POLE: variants seen among roughly 807,000 people sequenced by gnomAD.
POLE encodes DNA polymerase epsilon catalytic subunit A.
POLE carries 188 observed loss-of-function variants against 279.2 expected under a neutral mutation model. The ratio of observed to expected loss-of-function variants is 0.67; its 90% CI spans 0.60 to 0.76. POLE has a LOEUF of 0.76. POLE is among the 30% of genes least tolerant of loss of function. The probability of loss-of-function intolerance (pLI) is 0.00; values close to 1 mark genes in which losing one functional copy is unlikely to be tolerated. For missense variants in POLE, 2,703 were observed against 3,016.7 expected, an observed-to-expected ratio of 0.90 and a Z score of 2.44; for synonymous variants, 1,214 against 1,172.5, an observed-to-expected ratio of 1.04 and a Z score of -0.72.
chr12:132,685,278 T>G lies in POLE; in HGVS notation c.62+1976A>C, dbSNP rs897674706. On this transcript the variant is annotated intron_variant, in intron 1 of 48. Coordinates refer to ENST00000320574, the MANE Select transcript of POLE (RefSeq NM_006231.4). ...GCTCTCATTCACAGAGAGCTACCAT[T>G]GACTGGTTACTGTATCACACTGTCC... is the stretch of plus-strand genomic sequence containing the variant. Among the ~76,000 whole-genome samples, 31 of 149,600 alleles carry G rather than the reference T, an allele frequency of 2.1e-4. 1 individual carries two copies. Among genetic ancestry groups the G allele is most frequent in the Admixed American group, 6.7e-5 (1 of 15,016 alleles).
rs1327727919 is a variant in POLE, at chr12:132,648,899, A to G, written c.4149+30T>C. The G allele has an allele frequency of 6.3e-6, 10 of 1,591,918 alleles. No homozygotes were observed. The Admixed American group carries it at 1.7e-4, about 27-fold the overall frequency. Reference sequence around the variant, plus strand: ...AAAGCCACCTCAGGCTGCCCAGATGACTGCAGAGGCAGCACCAGCTCCTCC... The same window carrying G: ...AAAGCCACCTCAGGCTGCCCAGATGGCTGCAGAGGCAGCACCAGCTCCTCC... On this transcript the variant is annotated intron_variant, in intron 32 of 48. Coordinates refer to ENST00000320574, the MANE Select transcript of POLE (RefSeq NM_006231.4).
intron 29 of POLE, among the ~76,000 whole-genome samples, chr12:132,652,314 CT>C (rs11449205): frequency 0.093 from 10,350 of 111,106 alleles, 514 homozygotes; most frequent in Admixed American, 0.17. Context: ...TTGTAGTTTC[CT>C]TTTTTTTTTT....
rs33985588 is a variant in POLE, at chr12:132,668,082, C to CA, written c.2173+273dup. On this transcript the variant is annotated intron_variant, in intron 19 of 48. Transcript: ENST00000320574. The surrounding 1 kb of genome is among the most constrained non-coding windows in gnomAD (Gnocchi z 4.0). ...TGGGTGACAGAGTGAGACCTCATTTCAAAAAAAAAAAGAAAGAAATAGGAC... is the reference window on the plus strand; with the variant it reads ...TGGGTGACAGAGTGAGACCTCATTTCAAAAAAAAAAAAGAAAGAAATAGGAC... 5.4e-4 allele frequency among the ~76,000 whole-genome samples: 80 copies of CA among 148,810 alleles called. No homozygotes were observed. The highest frequency in any genetic ancestry group is 9.1e-4 in the Non-Finnish European group (61 of 66,946).
rs550712199 is a variant in POLE at position 132,678,492 on chromosome 12, G to A, written c.579-773C>T. Among the ~76,000 whole-genome samples the A allele has an allele frequency of 2.0e-3, 294 of 150,456 alleles. 1 individual carries two copies. The highest frequency in any genetic ancestry group is 2.5e-3 in the Non-Finnish European group (169 of 67,518). ...CTCAGGAGGCTGAGGTGAAAGGATC[G>A]CTTGAGCCCAGGAGTTCGAGGCCAC... On this transcript the variant is annotated intron_variant, in intron 6 of 48. Coordinates refer to ENST00000320574, the MANE Select transcript of POLE (RefSeq NM_006231.4).
rs747006780 is a variant in POLE, at chr12:132,643,206, G to A, written c.4551+18C>T. The A allele has an allele frequency of 4.5e-5, 72 of 1,608,768 alleles. No homozygotes were observed. In the Middle Eastern group the frequency reaches 9.9e-4, roughly 22 times the overall value. On this transcript the variant is annotated intron_variant, in intron 35 of 48. Transcript: ENST00000320574. ...CCTGCCCCAGCCAATGTGCTGCCAT[G>A]GAGGGCCCAGGACTCACAGTGTCCA... is the stretch of plus-strand genomic sequence containing the variant.
At chr12:132,662,959 T>A (rs574865371) in intron 23 of POLE, among the ~76,000 whole-genome samples, 21 of 152,272 alleles carry the variant, frequency 1.4e-4, no homozygotes, top group Admixed American at 5.2e-4. Context: ...AGGATCCCAA[T>A]TGATACAGTA....
chr12:132,670,717 T>C (rs997530348), intron 16 of POLE, among the ~76,000 whole-genome samples: 3 of 151,866 alleles, frequency 2.0e-5, no homozygotes, highest in Admixed American at 1.3e-4. Context: ...ATGGTCTCAA[T>C]CTCCTGACCT....
Position 132,624,780 on chromosome 12 carries a change from T to C in POLE, c.6778A>G (p.Asn2260Asp). The change falls in exon 49 of 49, where the codon AAC (asparagine) becomes GAC (aspartate). Residue 2260 changes from asparagine to aspartate, a missense_variant. Transcript: ENST00000320574. The stretch of plus-strand genomic sequence containing the variant: ...GACATGCCGTAGTGCTGGGCAATGT[T>C]CCGGAATATTCCGATCTGTTCCATG... ...VFMEQIGIFR[N>D]IAQHYGMSYL... The C allele has an allele frequency of 6.2e-7, 1 of 1,613,252 alleles. No individual in the cohort carries two copies. The highest frequency in any genetic ancestry group is 8.5e-7 in the Non-Finnish European group (1 of 1,179,214).
In POLE at chr12:132,661,364, T is replaced by C. The variant is rs867885009; in HGVS notation, c.2864+163A>G. Among the ~76,000 whole-genome samples the C allele has an allele frequency of 2.6e-5, 4 of 152,298 alleles. No individual in the cohort carries two copies. Among genetic ancestry groups the C allele is most frequent in the Middle Eastern group, 3.4e-3 (1 of 294 alleles). ...AGGGCCTGCAGCCACAGAGCCAGAA[T>C]ACAGCAGGCGGGCAGACAGAGCTGG... is the stretch of plus-strand genomic sequence containing the variant. On this transcript the variant is annotated intron_variant, in intron 24 of 48. Transcript: ENST00000320574. The surrounding 1 kb of genome is among the most constrained non-coding windows in gnomAD (Gnocchi z 4.1).
At chr12:132,653,874 G>A (rs548711748) in intron 29 of POLE, among the ~76,000 whole-genome samples, 6 of 152,262 alleles carry the variant, frequency 3.9e-5, no homozygotes, top group African/African-American at 1.4e-4. Context: ...AACATGAGCA[G>A]ATGTTAAAGT....
At chr12:132,663,121 G>T (rs5744841) in intron 23 of POLE, among the ~76,000 whole-genome samples, 8,548 of 152,240 alleles carry the variant, frequency 0.056, 328 homozygotes, top group Non-Finnish European at 0.082. Flanking sequence ...TGGATACACT[G>T]TCTCGAAGCA....
Position 132,668,667 on chromosome 12 carries a change from C to T in POLE, c.1994G>A (p.Arg665Gln), listed in dbSNP as rs772211212. The change falls in exon 18 of 49, where the codon CGG becomes CAG. Residue 665 changes from arginine to glutamine, a missense_variant. Physicochemically the swap from Arg to Gln is conservative, Grantham distance 43 (BLOSUM62 1). Transcript: ENST00000320574. This position sits in a 1 kb window ranked among gnomAD's most constrained non-coding sequence, Gnocchi z 4.0. ...GCCCCTCCACTGCCAGGCCATCTTC[C>T]GCTGGCAGTTTGCTCCAGGCTTATT... ...DFNKPGANCQ[R>Q]KMAWQWRGEF... is the part of the protein sequence containing the mutation. 9 of 1,613,700 alleles carry T rather than the reference C, an allele frequency of 5.6e-6. No homozygotes were observed. The Admixed American group carries it at 1.0e-4, about 18-fold the overall frequency.
chr12:132,629,984 C>G (rs1438015943), intron 45 of POLE, among the ~76,000 whole-genome samples: 1 of 152,108 alleles, frequency 6.6e-6, no homozygotes, highest in Non-Finnish European at 1.5e-5. Context: ...GTTGTGTCAC[C>G]GGGACTGGGG....
In POLE at chr12:132,632,470, G is replaced by C. The variant is rs2041952812; in HGVS notation, c.6175C>G (p.Leu2059Val). ...TFSQDYVANE[L>V]TQSFFTITQK... The stretch of plus-strand genomic sequence containing the variant: ...GTGATGGTGAAGAAGCTCTGAGTGA[G>C]CTCATTTGCGACATAATCCTGAGAG... The change falls in exon 45 of 49, where the codon CTC (leucine) becomes GTC (valine). Residue 2059 changes from leucine to valine, a missense_variant. Leu to Val is a conservative substitution (Grantham distance 32). Coordinates refer to ENST00000320574, the MANE Select transcript of POLE (RefSeq NM_006231.4). 1 of 1,614,122 alleles carries C rather than the reference G, an allele frequency of 6.2e-7. No individual in the cohort carries two copies. Among genetic ancestry groups the C allele is most frequent in the Non-Finnish European group, 8.5e-7 (1 of 1,179,952 alleles).
intron 1 of POLE, among the ~76,000 whole-genome samples, chr12:132,683,058 C>T (rs1342508309): frequency 1.3e-5 from 2 of 152,070 alleles, no homozygotes; most frequent in Non-Finnish European, 2.9e-5. Flanking sequence ...GCAGAATGAC[C>T]ATATTCCAAG....
At position 132,649,731 on chromosome 12, in the gene POLE, C is replaced by T. The variant is rs368978839; in HGVS notation, c.3741G>A (p.Pro1247=). The change falls in exon 30 of 49, where the codon CCG becomes CCA. Residue 1247 remains proline, a synonymous_variant. Coordinates refer to ENST00000320574, the MANE Select transcript of POLE (RefSeq NM_006231.4). ...CCAAGATTTCCTGCCAGGGCACAGTCGGCGTGAGGTCCTGGGACTCCTCCT... is the reference window on the plus strand; with the variant it reads ...CCAAGATTTCCTGCCAGGGCACAGTTGGCGTGAGGTCCTGGGACTCCTCCT... ...ESQEESQDLT[P]TVPWQEILGQ... 3.7e-5 allele frequency: 59 copies of T among 1,614,072 alleles called. No homozygotes were observed. Among genetic ancestry groups the T allele is most frequent in the South Asian group, 7.7e-5 (7 of 91,074 alleles).
chr12:132,683,994 G>A (rs993848045), intron 1 of POLE, among the ~76,000 whole-genome samples: 1 of 145,204 alleles, frequency 6.9e-6, no homozygotes, highest in East Asian at 2.1e-4. Flanking sequence ...ATATCACACC[G>A]TCCCAGTACT....
chr12:132,680,873 G>A (rs561729171), intron 2 of POLE, among the ~76,000 whole-genome samples, 186 bp from the exon 3 acceptor site: 1 of 152,072 alleles, frequency 6.6e-6, no homozygotes, highest in South Asian at 2.1e-4. Flanking sequence ...CTCCAAATGG[G>A]GATCTCTCTC....
intron 35 of POLE, 74 bp downstream of exon 35, chr12:132,643,150 G>T (rs1198767730): frequency 2.0e-6 from 3 of 1,523,540 alleles, no homozygotes; most frequent in Non-Finnish European, 2.7e-6. Context: ...GAGGGCCTGG[G>T]CACCCTGGGA....
Sources: gnomAD v4.1 joint callset for allele counts (sites outside exome capture counted in the v4.1 genomes callset) on GRCh38, gnomAD v4.1.1 for gene constraint, Gnocchi (gnomAD v3.1) non-coding constraint, MANE v1.5 for transcripts, NCBI Gene and HGNC (gene_info 2026-07-23, HGNC 2026-07-21) for gene names.